The following ADAMTS17 variants were observed in gnomAD, a reference collection of about 807,000 sequenced individuals.
The protein encoded by ADAMTS17 is ADAM metallopeptidase with thrombospondin type 1 motif 17, also known as A disintegrin and metalloproteinase with thrombospondin motifs 17.
A neutral mutation model predicts 141.5 loss-of-function variants in ADAMTS17; 113 were observed. That is an observed-to-expected ratio of 0.80 (90% confidence interval 0.69 to 0.93). The LOEUF is 0.93. ADAMTS17 is among the 40% of genes least tolerant of loss of function. The probability of loss-of-function intolerance (pLI) is 0.00; values close to 1 mark genes in which losing one functional copy is unlikely to be tolerated. For synonymous variants in ADAMTS17, 768 were observed against 630.6 expected (o/e 1.22, Z -3.27); for missense variants, 1,659 against 1,517.9 (o/e 1.09, Z -1.54).
At chr15:100,090,778 C>T (rs1381947709) in intron 15 of ADAMTS17, among the ~76,000 whole-genome samples, 4 of 151,980 alleles carry the variant, frequency 2.6e-5, no homozygotes, top group East Asian at 1.9e-4. Flanking sequence ...GAGGCTGAGG[C>T]GGGTGGATCA....
At chr15:100,186,714 A>G (rs961612500) in intron 8 of ADAMTS17, among the ~76,000 whole-genome samples, 4 of 152,162 alleles carry the variant, frequency 2.6e-5, no homozygotes, top group African/African-American at 7.2e-5. Flanking sequence ...ACAGTTCTCC[A>G]TATTTCCCCA....
At chr15:100,213,497 C>T (rs1047352361) in intron 7 of ADAMTS17, among the ~76,000 whole-genome samples, 5 of 152,302 alleles carry the variant, frequency 3.3e-5, no homozygotes, top group African/African-American at 9.6e-5. Context: ...ACCACACACA[C>T]CCCGGGAACA....
intron 8 of ADAMTS17, among the ~76,000 whole-genome samples, chr15:100,165,546 T>C (rs901235349): frequency 6.6e-6 from 1 of 152,168 alleles, no homozygotes; most frequent in African/African-American, 2.4e-5. Context: ...CAAAAATGCA[T>C]CTAGAGCCAA....
chr15:100,221,115 C>T (rs531781825), intron 7 of ADAMTS17, among the ~76,000 whole-genome samples: 59 of 152,192 alleles, frequency 3.9e-4, no homozygotes, highest in Non-Finnish European at 7.4e-4. Flanking sequence ...AATTTAATAC[C>T]ACCAGTTTGA....
intron 20 of ADAMTS17, among the ~76,000 whole-genome samples, chr15:99,977,394 ATATATAATTTTTTTTT>A (rs2060380789): frequency 1.9e-4 from 1 of 5,354 alleles, no homozygotes; most frequent in African/African-American, 6.0e-4. Flanking sequence ...ATATATATAT[ATATATAATTTTTTTTT>A]TTTTTTTTTT....
chr15:100,061,375 G>A (rs150618128), intron 15 of ADAMTS17, among the ~76,000 whole-genome samples: 9 of 152,274 alleles, frequency 5.9e-5, no homozygotes, highest in East Asian at 1.9e-4. Flanking sequence ...ATTAGGGATC[G>A]GCTCTCCAAG....
intron 13 of ADAMTS17, among the ~76,000 whole-genome samples, chr15:100,110,682 C>T (rs936775295): frequency 1.3e-5 from 2 of 152,188 alleles, no homozygotes; most frequent in Admixed American, 6.5e-5. Flanking sequence ...CTAATGCCAT[C>T]TATGTGGTTA....
At chr15:100,212,625 C>T (rs538377147) in intron 7 of ADAMTS17, among the ~76,000 whole-genome samples, 2 of 152,182 alleles carry the variant, frequency 1.3e-5, no homozygotes, top group African/African-American at 4.8e-5. Flanking sequence ...TCTGATGAGC[C>T]AAGTCAGACC....
intron 3 of ADAMTS17, among the ~76,000 whole-genome samples, chr15:100,310,433 G>A (rs1220453929): frequency 4.6e-5 from 7 of 152,266 alleles, no homozygotes; most frequent in Middle Eastern, 3.4e-3. Flanking sequence ...CATTCCCTTC[G>A]CAGGGGCCCA....
intron 16 of ADAMTS17, among the ~76,000 whole-genome samples, chr15:100,052,361 C>G (rs573956613): frequency 6.4e-4 from 97 of 152,340 alleles, no homozygotes; most frequent in African/African-American, 2.3e-3. Flanking sequence ...GGGCACCTCT[C>G]ATTTTCAGTT....
intron 13 of ADAMTS17, among the ~76,000 whole-genome samples, chr15:100,116,160 C>CAAAA (rs2037117458): frequency 7.8e-6 from 1 of 127,408 alleles, no homozygotes; most frequent in African/African-American, 3.6e-5. Flanking sequence ...AAAAAAAAAC[C>CAAAA]CAACAACCCT....
chr15:100,093,990 C>G (rs556916909), intron 15 of ADAMTS17, among the ~76,000 whole-genome samples: 4 of 151,856 alleles, frequency 2.6e-5, no homozygotes, highest in Admixed American at 2.6e-4. Context: ...CAGCCAGTGA[C>G]TCATTCTTGT....
At position 100,224,442 on chromosome 15, in the gene ADAMTS17, A is replaced by G. The variant is rs142899271; in HGVS notation, c.1076-25019T>C. 2.8e-4 allele frequency among the ~76,000 whole-genome samples: 42 copies of G among 152,330 alleles called. 1 individual carries two copies. The East Asian group carries it at 7.1e-3, about 26-fold the overall frequency. ...TGCAGCAGATGTTTACAAGGGTAAA[A>G]GAATTGAGATACAGACAAGGTTACT... On this transcript the variant is annotated intron_variant, in intron 7 of 21. Coordinates refer to ENST00000268070, the MANE Select transcript of ADAMTS17 (RefSeq NM_139057.4).
Position 100,338,504 on chromosome 15 carries a change from G to T in ADAMTS17, c.450+2535C>A, listed in dbSNP as rs140611485. 6.6e-4 allele frequency among the ~76,000 whole-genome samples: 101 copies of T among 152,288 alleles called. 1 individual carries two copies. In the East Asian group the frequency reaches 8.5e-3, roughly 13 times the overall value. ...TGAACGTGGCCACATCCATTCGCTC[G>T]TATGCCATCCGTAGCTGTAGCTGCT... On this transcript the variant is annotated intron_variant, in intron 2 of 21. Coordinates refer to ENST00000268070, the MANE Select transcript of ADAMTS17 (RefSeq NM_139057.4).
At chr15:100,029,417 T>A (rs1023045370) in intron 18 of ADAMTS17, among the ~76,000 whole-genome samples, 4 of 152,194 alleles carry the variant, frequency 2.6e-5, no homozygotes, top group African/African-American at 9.7e-5. Context: ...AGAAATAAAG[T>A]CAGGGTGATG....
chr15:100,078,067 A>C (rs900187209), intron 15 of ADAMTS17, among the ~76,000 whole-genome samples: 1 of 152,224 alleles, frequency 6.6e-6, no homozygotes, highest in Non-Finnish European at 1.5e-5. Context: ...TAAGATGAAG[A>C]CTACAATACA....
At chr15:100,024,065 A>G (rs1458665874) in intron 18 of ADAMTS17, among the ~76,000 whole-genome samples, 1 of 151,300 alleles carries the variant, frequency 6.6e-6, no homozygotes, top group African/African-American at 2.5e-5. Flanking sequence ...ATTCCTATGC[A>G]ATCAAAAATC....
chr15:100,064,878 A>G (rs1278073156), intron 15 of ADAMTS17, among the ~76,000 whole-genome samples: 1 of 152,182 alleles, frequency 6.6e-6, no homozygotes, highest in East Asian at 1.9e-4. Context: ...GATTTAGACA[A>G]GCGTATTAGG....
In ADAMTS17 at chr15:100,140,333, GCATA is replaced by G. The variant is rs1567240506; in HGVS notation, c.1474-7022_1474-7019del. Among the ~76,000 whole-genome samples, 4 of 151,978 alleles carry G rather than the reference GCATA, an allele frequency of 2.6e-5. No homozygotes were observed. In the South Asian group the frequency reaches 6.2e-4, roughly 24 times the overall value. On this transcript the variant is annotated intron_variant, in intron 10 of 21. Coordinates refer to ENST00000268070, the MANE Select transcript of ADAMTS17 (RefSeq NM_139057.4). Reference sequence around the variant, plus strand: ...AACATAACAGGAAGTTGGCTGAAAGGCATATAGTATTTTTTGTAAGTTTTAAGAG... The same window carrying G: ...AACATAACAGGAAGTTGGCTGAAAGGTAGTATTTTTTGTAAGTTTTAAGAG...
Sources: allele counts gnomAD v4.1 joint callset (sites outside exome capture counted in the v4.1 genomes callset), GRCh38; gene constraint gnomAD v4.1.1; transcripts MANE v1.5; gene names NCBI Gene and HGNC (gene_info 2026-07-23, HGNC 2026-07-21).